Variants in RELCH observed in about 807,000 individuals in gnomAD.
RELCH encodes the protein RAB11 binding and LisH domain, coiled-coil and HEAT repeat containing, also known as RAB11-binding protein RELCH.
Under a neutral mutation model 150.3 loss-of-function variants are expected in RELCH, and 41 were observed. That is an observed-to-expected ratio of 0.27 (90% CI 0.21 to 0.35). The LOEUF (loss-of-function observed/expected upper bound fraction) is 0.35. RELCH is among the 10% of genes least tolerant of loss of function. The pLI is 1.00. For synonymous variants in RELCH, 478 were observed against 531.8 expected (o/e 0.90, Z 1.39); for missense variants, 1,092 against 1,467.8 (o/e 0.74, Z 4.18).
intron 12 of RELCH, among the ~76,000 whole-genome samples, chr18:62,253,458 C>G (rs1378837358): frequency 6.6e-6 from 1 of 151,858 alleles, no homozygotes; most frequent in East Asian, 1.9e-4. Context: ...AATTCCAGTC[C>G]TCTGTATAAC....
At chr18:62,208,774 C>T (rs1229088752) in intron 1 of RELCH, among the ~76,000 whole-genome samples, 1 of 152,090 alleles carries the variant, frequency 6.6e-6, no homozygotes, top group Non-Finnish European at 1.5e-5. Flanking sequence ...GCTTTCTGTT[C>T]CTACGTTAGT....
intron 23 of RELCH, 127 bp from the exon 24 acceptor site, chr18:62,280,519 T>A (rs2044456021): frequency 7.0e-7 from 1 of 1,422,236 alleles, no homozygotes; most frequent in Non-Finnish European, 9.9e-7. Flanking sequence ...TTTTTTTAAA[T>A]TTATTTAATT....
Position 62,306,802 on chromosome 18 carries a change from A to C in RELCH, c.*1268A>C, listed in dbSNP as rs17069799. 2,680 of 152,734 alleles carry C rather than the reference A, an allele frequency of 0.018. 90 individuals carry two copies. Among genetic ancestry groups the C allele is most frequent in the East Asian group, 0.14 (717 of 5,188 alleles). The allele number at this position is 152,734 out of a possible 1,614,324, so 9.5% of individuals were successfully genotyped here. On this transcript the variant is annotated 3_prime_UTR_variant, in exon 29 of 29. Transcript: ENST00000644646. ...TGATAAAAAGAATTCTTGTTTTAGC[A>C]CAGTTGATGCACATAAGTGATTCTC...
chr18:62,272,599 A>G (rs576876207), intron 20 of RELCH, among the ~76,000 whole-genome samples: 329 of 152,296 alleles, frequency 2.2e-3, no homozygotes, highest in African/African-American at 7.5e-3. Context: ...TTTAGGAAGC[A>G]CATACCAGCA....
At position 62,188,806 on chromosome 18, in the gene RELCH, T is replaced by G. The variant is rs890165743; in HGVS notation, c.526+775T>G. 3.3e-5 allele frequency among the ~76,000 whole-genome samples: 5 copies of G among 152,328 alleles called. No individual in the cohort carries two copies. In the South Asian group the frequency reaches 1.0e-3, roughly 32 times the overall value. On this transcript the variant is annotated intron_variant, in intron 1 of 28. Transcript: ENST00000644646. ...TATATTCGTAAGCATCTCTTATGGC[T>G]TGAAAACTTACTGTCAAAGATGTAG...
chr18:62,304,017 G>A (rs534201490), intron 28 of RELCH, among the ~76,000 whole-genome samples: 1 of 152,334 alleles, frequency 6.6e-6, no homozygotes, highest in South Asian at 2.1e-4. Flanking sequence ...GTTTGAAATA[G>A]AAGTAGAAGG....
At chr18:62,254,924 A>G (rs908133159) in intron 12 of RELCH, among the ~76,000 whole-genome samples, 1 of 152,166 alleles carries the variant, frequency 6.6e-6, no homozygotes. Flanking sequence ...AAGTCTGCTT[A>G]CTTTATAAAT....
chr18:62,247,828 T>A (rs1463467616), intron 11 of RELCH, among the ~76,000 whole-genome samples: 1 of 152,210 alleles, frequency 6.6e-6, no homozygotes, highest in Non-Finnish European at 1.5e-5. Flanking sequence ...ATTACAAGCA[T>A]GAGCCACTGT....
chr18:62,277,656 G>T (rs1262097916), intron 22 of RELCH: 2 of 975,540 alleles, frequency 2.1e-6, no homozygotes, highest in Non-Finnish European at 2.4e-6. Flanking sequence ...ACCTAATAGG[G>T]TATGGTCACT....
chr18:62,275,341 A>T, intron 21 of RELCH, 33 bp from the exon 22 acceptor site: 1 of 1,250,254 alleles, frequency 8.0e-7, no homozygotes, highest in Non-Finnish European at 1.1e-6. Context: ...TGTGGCTCTC[A>T]ATTTTAACAC....
At chr18:62,209,019 C>T (rs2039993189) in intron 1 of RELCH, among the ~76,000 whole-genome samples, 1 of 152,176 alleles carries the variant, frequency 6.6e-6, no homozygotes, top group African/African-American at 2.4e-5. Context: ...TTTGTGATTA[C>T]ATTAGGTCTA....
At chr18:62,212,457 A>G (rs1302711004) in intron 2 of RELCH, among the ~76,000 whole-genome samples, 1 of 152,178 alleles carries the variant, frequency 6.6e-6, no homozygotes, top group Non-Finnish European at 1.5e-5. Flanking sequence ...GGGGTCAGAG[A>G]ATACCCATAA....
At chr18:62,206,378 T>C (rs2039779165) in intron 1 of RELCH, among the ~76,000 whole-genome samples, 1 of 152,334 alleles carries the variant, frequency 6.6e-6, no homozygotes, top group South Asian at 2.1e-4. Context: ...TAGAATTTCA[T>C]TTAGTTCACC....
At chr18:62,258,490 T>C (rs769688097) in intron 14 of RELCH, 22 bp from the exon 15 acceptor site, 29 of 1,586,450 alleles carry the variant, frequency 1.8e-5, no homozygotes, top group Non-Finnish European at 2.5e-5. Flanking sequence ...AAAATCTACA[T>C]TTGCCTTTTT....
At chr18:62,188,754 A>G (rs755658646) in intron 1 of RELCH, among the ~76,000 whole-genome samples, 27 of 152,230 alleles carry the variant, frequency 1.8e-4, no homozygotes, top group Admixed American at 1.6e-3. Flanking sequence ...AATGATTTTT[A>G]GCAGCATAGA....
chr18:62,201,178 T>C (rs1489258995), intron 1 of RELCH, among the ~76,000 whole-genome samples: 1 of 151,972 alleles, frequency 6.6e-6, no homozygotes, highest in Non-Finnish European at 1.5e-5. Context: ...TTTCACCGTT[T>C]CAGCCAGGAT....
rs1294910064 is a variant in RELCH, at chr18:62,258,061, C to T, written c.2010C>T (p.Tyr670=). ...VIKSLGIIMG[Y]IDDPDKYHQG... is the part of the protein sequence containing the mutation. ...AAAGCCTTGGTATCATTATGGGATA[C>T]ATTGATGATCCAGACAAATATCATC... The change falls in exon 14 of 29, where the codon TAC becomes TAT. Residue 670 remains tyrosine (Y), a synonymous_variant. Coordinates refer to ENST00000644646, the MANE Select transcript of RELCH (RefSeq NM_001346231.2). The T allele has an allele frequency of 1.2e-6, 2 of 1,603,894 alleles. No homozygotes were observed. Among genetic ancestry groups the T allele is most frequent in the Non-Finnish European group, 1.7e-6 (2 of 1,175,428 alleles).
At chr18:62,291,738 C>G (rs1281365881) in intron 27 of RELCH, 107 bp downstream of exon 27, 2 of 693,604 alleles carry the variant, frequency 2.9e-6, no homozygotes, top group Non-Finnish European at 4.9e-6. Flanking sequence ...TTTTTTAAAT[C>G]TAGCTCAATG....
intron 10 of RELCH, 112 bp from the exon 11 acceptor site, chr18:62,244,652 G>T: frequency 1.5e-6 from 1 of 649,284 alleles, no homozygotes. Flanking sequence ...TTACCCTTTT[G>T]TTTACTGAGG....
Sources: allele counts gnomAD v4.1 joint callset (sites outside exome capture counted in the v4.1 genomes callset), GRCh38; gene constraint gnomAD v4.1.1; transcripts MANE v1.5; gene names NCBI Gene and HGNC (gene_info 2026-07-23, HGNC 2026-07-21).